TTF1: variants seen among roughly 807,000 people sequenced by gnomAD.
TTF1 encodes the protein transcription termination factor 1, also known as transcription termination factor, RNA polymerase I.
In TTF1, 64 loss-of-function variants were observed where a neutral mutation model predicts 80.2. The ratio of observed to expected loss-of-function variants is 0.80; its 90% CI spans 0.65 to 0.98. The LOEUF (loss-of-function observed/expected upper bound fraction) is 0.98, where lower values mean the gene tolerates loss of function less well. TTF1 is among the 50% of genes least tolerant of loss of function. The pLI is 0.00. For missense variants in TTF1, 1,023 were observed against 1,086.2 expected (o/e 0.94, Z 0.82); for synonymous variants, 372 against 382.7 (o/e 0.97, Z 0.33).
Position 132,388,565 on chromosome 9 carries a change from T to C in TTF1, c.2223-337A>G, listed in dbSNP as rs1417809335. 3.3e-5 allele frequency among the ~76,000 whole-genome samples: 5 copies of C among 152,280 alleles called. No individual in the cohort carries two copies. The East Asian group carries it at 9.7e-4, about 29-fold the overall frequency. ...CATGTTGGCCAGGCTGGTCTCAAAC[T>C]CCTGGCCTCAAGTGATCCACCTGCC... On this transcript the variant is annotated intron_variant, in intron 7 of 10. Transcript: ENST00000334270.
rs2131631626 is a variant in TTF1, at chr9:132,388,183, G to C, written c.2268C>G (p.Tyr756Ter). The C allele has an allele frequency of 9.3e-6, 15 of 1,612,440 alleles. No homozygotes were observed. Among genetic ancestry groups the C allele is most frequent in the Non-Finnish European group, 1.1e-5 (13 of 1,178,852 alleles). The change falls in exon 8 of 11, where the codon TAC becomes TAG. Residue 756 changes from tyrosine (Y) to a stop codon, truncating the protein, a stop_gained. Coordinates refer to ENST00000334270, the MANE Select transcript of TTF1 (RefSeq NM_007344.4). LOFTEE classifies it high-confidence loss of function. ...TGGCCCGCAGGGCATTCATGCCATA[G>C]TAGATACGCCGACCATTAGTCATCC... Reference protein sequence around the residue: ...TKRMTNGRRIYYGMNALRAKV... With the variant: ...TKRMTNGRRI
At chr9:132,397,197 G>C (rs991955138) in intron 4 of TTF1, among the ~76,000 whole-genome samples, 1 of 152,182 alleles carries the variant, frequency 6.6e-6, no homozygotes, top group African/African-American at 2.4e-5. Flanking sequence ...TGAATTAAGA[G>C]GAAGAGAACA....
intron 9 of TTF1, among the ~76,000 whole-genome samples, chr9:132,382,129 G>A (rs1437550371): frequency 1.3e-5 from 2 of 152,220 alleles, no homozygotes; most frequent in African/African-American, 4.8e-5. Context: ...AGAGTGGTGG[G>A]CCCTCCAATC....
At chr9:132,390,391 G>A (rs909943996) in intron 7 of TTF1, among the ~76,000 whole-genome samples, 9 of 152,150 alleles carry the variant, frequency 5.9e-5, no homozygotes, top group Non-Finnish European at 1.3e-4. Flanking sequence ...AGTTCTTTAG[G>A]AGAAAAGCAT....
chr9:132,376,367 G>A (rs1849176649), intron 10 of TTF1, among the ~76,000 whole-genome samples, 199 bp from the exon 11 acceptor site: 2 of 152,124 alleles, frequency 1.3e-5, no homozygotes, highest in Admixed American at 1.3e-4. Context: ...TTTTTAACTT[G>A]TTTTTCAATT....
chr9:132,376,039 A>G lies in TTF1; in HGVS notation c.2594T>C (p.Ile865Thr). The G allele has an allele frequency of 6.2e-7, 1 of 1,614,190 alleles. No homozygotes were observed. The highest frequency in any genetic ancestry group is 8.5e-7 in the Non-Finnish European group (1 of 1,180,036). ...TTCACTATCGTCTTCATAATAAAAGATGTCTCGAAATGGGAAAACTTGCTT... is the reference window on the plus strand; with the variant it reads ...TTCACTATCGTCTTCATAATAAAAGGTGTCTCGAAATGGGAAAACTTGCTT... ...APKQVFPFRD[I>T]FYYEDDSEGE... Residue 865 changes from isoleucine to threonine, a missense_variant, in exon 11 of 11, where the codon ATC becomes ACC. Ile to Thr is a moderately conservative substitution (Grantham distance 89, BLOSUM62 -1). Transcript: ENST00000334270.
In TTF1 at chr9:132,400,064, A is replaced by C; in HGVS notation, c.1562T>G (p.Leu521Trp). Residue 521 changes from leucine (L) to tryptophan (W), a missense_variant, in exon 3 of 11, where the codon TTG becomes TGG. Leu to Trp is a moderately conservative substitution (Grantham distance 61). Transcript: ENST00000334270. ...TGCTTTAAATTCCTTAAACCGTTCC[A>C]AGTCGTCCCGGTACATCCGCTTGAT... The part of the protein sequence containing the change: ...STIKRMYRDD[L>W]ERFKEFKAQG... 6.2e-7 allele frequency: 1 copy of C among 1,614,182 alleles called. No homozygotes were observed.
rs1849735144 is a variant in TTF1 at position 132,400,196 on chromosome 9, A to G, written c.1430T>C (p.Leu477Ser). The change falls in exon 3 of 11, where the codon TTA becomes TCA. Residue 477 changes from leucine (L) to serine (S), a missense_variant. By Grantham distance (145) the Leu-to-Ser change is moderately radical (BLOSUM62 -2). Transcript: ENST00000334270. Reference protein sequence around the residue: ...ETAEDSEIRYLSADSGDADDS... With the variant: ...ETAEDSEIRYSSADSGDADDS... Reference sequence around the variant, plus strand: ...ATCGGCATCTCCTGAATCTGCAGATAAGTATCTTATTTCGGAATCTTCAGC... The same window carrying G: ...ATCGGCATCTCCTGAATCTGCAGATGAGTATCTTATTTCGGAATCTTCAGC... The G allele has an allele frequency of 6.2e-7, 1 of 1,614,082 alleles. No individual in the cohort carries two copies.
chr9:132,399,318 G>C (rs1256911455), intron 3 of TTF1, among the ~76,000 whole-genome samples: 3 of 151,750 alleles, frequency 2.0e-5, no homozygotes, highest in Admixed American at 2.0e-4. Flanking sequence ...TACGTGGGTA[G>C]TGCTGTCTTT....
intron 8 of TTF1, 49 bp downstream of exon 8, chr9:132,388,090 T>C: frequency 1.4e-6 from 2 of 1,449,738 alleles, no homozygotes; most frequent in Middle Eastern, 1.8e-4. Context: ...AACTTCTCTT[T>C]GGCTAGAGAC....
Position 132,378,396 on chromosome 9 carries a change from TGTG to T in TTF1, c.2464+660_2464+662del, listed in dbSNP as rs1564182167. Among the ~76,000 whole-genome samples the T allele has an allele frequency of 4.5e-4, 39 of 85,784 alleles. 1 individual carries two copies. The highest frequency in any genetic ancestry group is 1.7e-3 in the African/African-American group (39 of 22,288). 56.3% of individuals were successfully genotyped at this position (85,784 alleles called of 152,430 possible). A position where few individuals can be genotyped will look rare whatever the true frequency, so the allele number is the denominator to read the frequency against. ...CATGTGGTGTGTGTGAGTGCATGCA[TGTG>T]GTGTGAGTGCATGTGGTGTGAGTGC... On this transcript the variant is annotated intron_variant, in intron 10 of 10. Transcript: ENST00000334270.
At chr9:132,377,164 G>A (rs1475705692) in intron 10 of TTF1, among the ~76,000 whole-genome samples, 1 of 150,642 alleles carries the variant, frequency 6.6e-6, no homozygotes, top group African/African-American at 2.5e-5. Flanking sequence ...CATGTGGTGA[G>A]TGCATGCATG....
chr9:132,404,007 A>C (rs1303870951), intron 1 of TTF1, among the ~76,000 whole-genome samples: 2 of 152,280 alleles, frequency 1.3e-5, no homozygotes, highest in Non-Finnish European at 2.9e-5. Flanking sequence ...ACTTTCCAAA[A>C]GAGATGATTA....
chr9:132,382,653 C>T (rs975999743), intron 9 of TTF1, among the ~76,000 whole-genome samples: 4 of 151,986 alleles, frequency 2.6e-5, no homozygotes, highest in South Asian at 2.1e-4. Flanking sequence ...TAAGGAAGGC[C>T]GGGCATGGTG....
chr9:132,378,167 G>GT (rs1849273487), intron 10 of TTF1, among the ~76,000 whole-genome samples: 3 of 132,854 alleles, frequency 2.3e-5, no homozygotes, highest in Non-Finnish European at 4.8e-5. Context: ...GAGTGCATGT[G>GT]GTGTGTGTGA....
intron 5 of TTF1, among the ~76,000 whole-genome samples, chr9:132,396,096 G>A (rs762777169): frequency 2.6e-5 from 4 of 152,190 alleles, no homozygotes; most frequent in African/African-American, 9.7e-5. Flanking sequence ...AACATGTGTC[G>A]AGATGGGATG....
rs1404610680 is a variant in TTF1, at chr9:132,402,173, T to C, written c.649A>G (p.Asn217Asp). The C allele has an allele frequency of 1.2e-6, 2 of 1,614,136 alleles. No individual in the cohort carries two copies. The highest frequency in any genetic ancestry group is 8.5e-7 in the Non-Finnish European group (1 of 1,180,020). Reference protein sequence around the residue: ...ITELPASAHKNKSKKKKKKSS... With the variant: ...ITELPASAHKDKSKKKKKKSS... The stretch of plus-strand genomic sequence containing the variant: ...TTTTTCTTTTTTTTCTTAGACTTGT[T>C]TTTATGAGCAGATGCTGGTAGTTCT... The change falls in exon 2 of 11, where the codon AAC (asparagine) becomes GAC (aspartate). Residue 217 changes from asparagine to aspartate, a missense_variant. Coordinates refer to ENST00000334270, the MANE Select transcript of TTF1 (RefSeq NM_007344.4).
chr9:132,383,873 A>G (rs1042401632), intron 9 of TTF1, among the ~76,000 whole-genome samples: 1 of 152,144 alleles, frequency 6.6e-6, no homozygotes, highest in Non-Finnish European at 1.5e-5. Context: ...GATTTTTTGT[A>G]GCTATAAAGA....
chr9:132,382,628 T>C (rs1357320202), intron 9 of TTF1, among the ~76,000 whole-genome samples: 2 of 152,158 alleles, frequency 1.3e-5, no homozygotes, highest in Non-Finnish European at 1.5e-5. Context: ...ACGATCTTCA[T>C]AGATTAAAAG....
Sources: allele counts gnomAD v4.1 joint callset (sites outside exome capture counted in the v4.1 genomes callset), GRCh38; gene constraint gnomAD v4.1.1; transcripts MANE v1.5; gene names NCBI Gene and HGNC (gene_info 2026-07-23, HGNC 2026-07-21).